The following JAML variants were observed in gnomAD, a reference collection of about 807,000 sequenced individuals.
JAML encodes junction adhesion molecule like, also known as junctional adhesion molecule-like.
In JAML, 25 loss-of-function variants were observed where a neutral mutation model predicts 39.3. The ratio of observed to expected loss-of-function variants is 0.64; its 90% CI spans 0.46 to 0.89. The LOEUF (loss-of-function observed/expected upper bound fraction) is 0.89, where lower values mean the gene tolerates loss of function less well. Ranked by LOEUF, JAML falls within the 40% of genes least tolerant of loss-of-function variation. JAML has a pLI of 0.00. For missense variants in JAML, 440 were observed against 486.9 expected (o/e 0.90, Z 0.91); for synonymous variants, 162 against 179.2 (o/e 0.90, Z 0.77).
chr11:118,215,296 A>G (rs561815424), intron 1 of JAML, among the ~76,000 whole-genome samples: 1 of 152,304 alleles, frequency 6.6e-6, no homozygotes, highest in African/African-American at 2.4e-5. Context: ...TTTCACACAA[A>G]CAAAAAATTA....
intron 3 of JAML, among the ~76,000 whole-genome samples, chr11:118,211,221 A>G (rs1007886282): frequency 6.6e-6 from 1 of 152,172 alleles, no homozygotes; most frequent in African/African-American, 2.4e-5. Flanking sequence ...GAATGGTTCC[A>G]GGCTGGGCCC....
At chr11:118,207,760 A>G (rs1430609049) in intron 4 of JAML, among the ~76,000 whole-genome samples, 2 of 152,048 alleles carry the variant, frequency 1.3e-5, no homozygotes, top group Non-Finnish European at 2.9e-5. Flanking sequence ...AAAAAAAAAT[A>G]CAGCTTGCTC....
intron 1 of JAML, among the ~76,000 whole-genome samples, chr11:118,220,256 T>C (rs562714375): frequency 7.4e-4 from 112 of 152,284 alleles, no homozygotes; most frequent in Middle Eastern, 3.4e-3. Context: ...CCTGAACCGA[T>C]TATCCGGTGC....
At position 118,194,061 on chromosome 11, in the gene JAML, C is replaced by T. The variant is rs1565469860; in HGVS notation, c.*264G>A. 9.5e-6 allele frequency: 4 copies of T among 422,538 alleles called. No homozygotes were observed. The East Asian group carries it at 1.7e-4, about 18-fold the overall frequency. The allele number at this position is 422,538 out of a possible 1,614,324, so 26.2% of individuals were successfully genotyped here. ...TCTGATCCAACGGGGGGTTTGAGGC[C>T]ACTCAGCTCAGCCTGGTTCCCAGGG... On this transcript the variant is annotated 3_prime_UTR_variant, in exon 10 of 10. Transcript: ENST00000356289.
intron 1 of JAML, among the ~76,000 whole-genome samples, chr11:118,219,338 G>C (rs539863353): frequency 1.2e-4 from 19 of 152,188 alleles, no homozygotes; most frequent in Non-Finnish European, 2.5e-4. Flanking sequence ...ATGCAAACTA[G>C]TACAGCCACT....
intron 1 of JAML, among the ~76,000 whole-genome samples, chr11:118,216,780 T>A (rs1271847261): frequency 6.6e-6 from 1 of 152,156 alleles, no homozygotes; most frequent in African/African-American, 2.4e-5. Context: ...GGATAATAAT[T>A]ACACTGAGCC....
chr11:118,209,207 A>G (rs1948989689), intron 4 of JAML: 2 of 234,698 alleles, frequency 8.5e-6, no homozygotes, highest in Admixed American at 5.0e-5. Context: ...CCAGTCAAAG[A>G]GGCGAAAAAA....
In JAML at chr11:118,210,721, C is replaced by T. The variant is rs1465022203; in HGVS notation, c.199-9G>A. The T allele has an allele frequency of 2.5e-6, 4 of 1,610,230 alleles. No individual in the cohort carries two copies. Among genetic ancestry groups the T allele is most frequent in the Non-Finnish European group, 3.4e-6 (4 of 1,176,618 alleles). On this transcript the variant is annotated splice_polypyrimidine_tract_variant and intron_variant, in intron 3 of 9. Transcript: ENST00000356289. ...TATAGCACATATTCGTCCTGAAGGGCAAAACAGTGTTGGAGACAATCAAAA... is the reference window on the plus strand; with the variant it reads ...TATAGCACATATTCGTCCTGAAGGGTAAAACAGTGTTGGAGACAATCAAAA...
At position 118,196,669 on chromosome 11, in the gene JAML, A is replaced by G. The variant is rs1948662741; in HGVS notation, c.1092+66T>C. On this transcript the variant is annotated intron_variant, in intron 9 of 9. Coordinates refer to ENST00000356289, the MANE Select transcript of JAML (RefSeq NM_001098526.2). ...GCAGCCTCCCTTGGGCAACCCAGCC[A>G]CGCCCACCACCACCACCACCTGAGC... The G allele has an allele frequency of 2.1e-6, 3 of 1,433,880 alleles. No homozygotes were observed. In the Admixed American group the frequency reaches 5.0e-5, roughly 24 times the overall value. 88.8% of individuals were successfully genotyped at this position (1,433,880 alleles called of 1,614,324 possible). A position where few individuals can be genotyped will look rare whatever the true frequency, so the allele number is the denominator to read the frequency against.
intron 9 of JAML, among the ~76,000 whole-genome samples, chr11:118,195,863 G>A (rs531710812): frequency 2.0e-5 from 3 of 152,168 alleles, no homozygotes; most frequent in African/African-American, 7.2e-5. Flanking sequence ...CAGGAGTCTC[G>A]CTCTGTTTCC....
At chr11:118,214,414 G>C (rs1172565406) in intron 2 of JAML, among the ~76,000 whole-genome samples, 1 of 152,178 alleles carries the variant, frequency 6.6e-6, no homozygotes, top group African/African-American at 2.4e-5. Context: ...CAGTCCATTT[G>C]AGGAACCACA....
intron 2 of JAML, 87 bp from the exon 3 acceptor site, chr11:118,212,648 C>A (rs1213642096): frequency 3.9e-6 from 6 of 1,542,890 alleles, no homozygotes; most frequent in Non-Finnish European, 5.2e-6. Context: ...GTACTAAACA[C>A]CCCTCTCCCT....
chr11:118,200,634 G>A, intron 6 of JAML, 22 bp from the exon 7 acceptor site: 3 of 1,613,946 alleles, frequency 1.9e-6, no homozygotes, highest in Non-Finnish European at 2.5e-6. Flanking sequence ...AGAAAAGCAA[G>A]GAGAGGGTCT....
At chr11:118,196,646 A>T in intron 9 of JAML, 89 bp downstream of exon 9, 1 of 1,077,058 alleles carries the variant, frequency 9.3e-7, no homozygotes. Flanking sequence ...CGCCCTCAGC[A>T]GCCTCCCTTG....
chr11:118,196,273 A>G (rs1948653112), intron 9 of JAML, among the ~76,000 whole-genome samples: 1 of 151,652 alleles, frequency 6.6e-6, no homozygotes, highest in African/African-American at 2.4e-5. Context: ...GATTATAGGC[A>G]CGCATCTCCA....
In JAML at chr11:118,210,573, G is replaced by A. The variant is rs754433326; in HGVS notation, c.338C>T (p.Thr113Ile). ...TTTGAGGCGGATTTCACAGATATAGGTTCCCTGGTCAGCCTCTTGCACATC... is the reference window on the plus strand; with the variant it reads ...TTTGAGGCGGATTTCACAGATATAGATTCCCTGGTCAGCCTCTTGCACATC... Reference protein sequence around the residue: ...LQDVQEADQGTYICEIRLKGE... With the variant: ...LQDVQEADQGIYICEIRLKGE... The change falls in exon 4 of 10, where the codon ACC (threonine) becomes ATC (isoleucine). Residue 113 changes from threonine (T) to isoleucine (I), a missense_variant. Physicochemically the swap from Thr to Ile is moderately conservative, Grantham distance 89 (BLOSUM62 -1). Transcript: ENST00000356289. 6.2e-6 allele frequency: 10 copies of A among 1,614,058 alleles called. No individual in the cohort carries two copies. Among genetic ancestry groups the A allele is most frequent in the Non-Finnish European group, 5.9e-6 (7 of 1,180,026 alleles).
At position 118,200,575 on chromosome 11, in the gene JAML, C is replaced by A; in HGVS notation, c.810G>T (p.Leu270Phe). ...CAATGATCACCAACTGATTACCACC[C>A]AAGACCAGAGGCCTCAGGGCTGCCG... The part of the protein sequence containing the change: ...VTPAALRPLV[L>F]GGNQLVIIVG... The change falls in exon 7 of 10, where the codon TTG (leucine) becomes TTT (phenylalanine). Residue 270 changes from leucine to phenylalanine, a missense_variant. Leu to Phe is a conservative substitution (Grantham distance 22, BLOSUM62 0). Coordinates refer to ENST00000356289, the MANE Select transcript of JAML (RefSeq NM_001098526.2). 1 of 1,614,162 alleles carries A rather than the reference C, an allele frequency of 6.2e-7. No homozygotes were observed. The highest frequency in any genetic ancestry group is 8.5e-7 in the Non-Finnish European group (1 of 1,180,030).
chr11:118,210,024 C>A (rs1368831448), intron 4 of JAML, among the ~76,000 whole-genome samples: 1 of 152,094 alleles, frequency 6.6e-6, no homozygotes, highest in African/African-American at 2.4e-5. Flanking sequence ...GCCACTGAGC[C>A]TGGCCTGCTT....
At chr11:118,206,632 CA>C (rs1005063487) in intron 4 of JAML, among the ~76,000 whole-genome samples, 1 of 152,218 alleles carries the variant, frequency 6.6e-6, no homozygotes, top group Non-Finnish European at 1.5e-5. Flanking sequence ...TAGGCCAAGA[CA>C]AAAGACAGCT....
Sources: allele counts gnomAD v4.1 joint callset (sites outside exome capture counted in the v4.1 genomes callset), GRCh38; gene constraint gnomAD v4.1.1; transcripts MANE v1.5; gene names NCBI Gene and HGNC (gene_info 2026-07-23, HGNC 2026-07-21).